Variants in RIMS3 observed in about 807,000 individuals in gnomAD.
The protein encoded by RIMS3 is regulating synaptic membrane exocytosis protein 3.
In RIMS3, 15 loss-of-function variants were observed where a neutral mutation model predicts 29.2. The ratio of observed to expected loss-of-function variants is 0.51; its 90% confidence interval spans 0.34 to 0.79. The LOEUF is 0.79. Among genes scored for constraint, RIMS3 ranks in the 30% least tolerant of loss-of-function variants. RIMS3 has a pLI of 0.01. For synonymous variants in RIMS3, 161 were observed against 170.1 expected, an observed-to-expected ratio of 0.95 and a Z score of 0.41; for missense variants, 342 against 421.4, an observed-to-expected ratio of 0.81 and a Z score of 1.65.
the RIMS3 span, chr1:40,687,609 A>AG: frequency 6.6e-6 from 1 of 151,552 alleles, no homozygotes; most frequent in Non-Finnish European, 1.5e-5. Flanking sequence ...TCTCCTAAAA[A>AG]AAAAAAAAAA....
chr1:40,650,944 C>T (rs1194839903), intron 1 of RIMS3, among the ~76,000 whole-genome samples: 4 of 151,936 alleles, frequency 2.6e-5, no homozygotes, highest in African/African-American at 7.3e-5. Context: ...TCTCTGCCCC[C>T]ACCCCCATGA....
chr1:40,629,392 G>T lies in RIMS3; in HGVS notation c.473-20C>A. The T allele has an allele frequency of 1.2e-6, 2 of 1,606,290 alleles. No individual in the cohort carries two copies. The highest frequency in any genetic ancestry group is 1.1e-5 in the South Asian group (1 of 90,910). On this transcript the variant is annotated intron_variant, in intron 5 of 7. Coordinates refer to ENST00000372684, the MANE Select transcript of RIMS3 (RefSeq NM_014747.3). ...CATCTCCTGAAAGGAAGAAGAGGGT[G>T]AGTCCAGGCAGGGCCAGACCAAGGG...
chr1:40,676,012 C>A, the RIMS3 span, among the ~76,000 whole-genome samples: 1 of 152,022 alleles, frequency 6.6e-6, no homozygotes, highest in Non-Finnish European at 1.5e-5. Flanking sequence ...CAAGAGAAGG[C>A]AGAAGCCTGA....
intron 3 of RIMS3, among the ~76,000 whole-genome samples, chr1:40,640,022 G>T (rs935353966): frequency 2.6e-5 from 4 of 152,218 alleles, no homozygotes; most frequent in Admixed American, 6.5e-5. Context: ...CCACTAGAAG[G>T]TTCTCCCAGT....
In RIMS3 at chr1:40,641,959, G is replaced by A. The variant is rs761203705; in HGVS notation, c.-31-3C>T. ...GGGTGGCAGGGCCTCAGGCAGCTCTGAAGATGGGCAGGAAACAAAAGGATC... is the reference window on the plus strand; with the variant it reads ...GGGTGGCAGGGCCTCAGGCAGCTCTAAAGATGGGCAGGAAACAAAAGGATC... On this transcript the variant is annotated splice_region_variant and splice_polypyrimidine_tract_variant and intron_variant, in intron 2 of 7. Transcript: ENST00000372684. 1 of 1,572,944 alleles carries A rather than the reference G, an allele frequency of 6.4e-7. No individual in the cohort carries two copies. The highest frequency in any genetic ancestry group is 1.3e-5 in the African/African-American group (1 of 74,200).
chr1:40,647,379 A>T (rs1402290121), intron 2 of RIMS3, among the ~76,000 whole-genome samples: 2 of 151,782 alleles, frequency 1.3e-5, no homozygotes, highest in Non-Finnish European at 2.9e-5. Flanking sequence ...TCTCTTTCCC[A>T]TCAAGGTCAG....
At position 40,624,302 on chromosome 1, in the gene RIMS3, A is replaced by G. The variant is rs767279294; in HGVS notation, c.*2215T>C. The stretch of plus-strand genomic sequence containing the variant: ...CCCTATCATCCCAAAGGTGTAGAGT[A>G]TTTTCGCAACACCCTGACAGTGACT... On this transcript the variant is annotated 3_prime_UTR_variant, in exon 8 of 8. Coordinates refer to ENST00000372684, the MANE Select transcript of RIMS3 (RefSeq NM_014747.3). 5.9e-5 allele frequency: 9 copies of G among 152,152 alleles called. No individual in the cohort carries two copies. Among genetic ancestry groups the G allele is most frequent in the Non-Finnish European group, 1.2e-4 (8 of 68,032 alleles). 9.4% of individuals were successfully genotyped at this position (152,152 alleles called of 1,614,324 possible). A position where few individuals can be genotyped will look rare whatever the true frequency, so the allele number is the denominator to read the frequency against.
chr1:40,623,475 C>G lies in RIMS3; in HGVS notation c.*3042G>C, dbSNP rs1437291688. 5.0e-6 allele frequency: 2 copies of G among 398,558 alleles called. No individual in the cohort carries two copies. Among genetic ancestry groups the G allele is most frequent in the Non-Finnish European group, 8.8e-6 (2 of 226,102 alleles). The allele number at this position is 398,558 out of a possible 1,614,324, so 24.7% of individuals were successfully genotyped here. A position where few individuals can be genotyped will look rare whatever the true frequency, so the allele number is the denominator to read the frequency against. ...AACCCAACATCACTGCAGGGCCACTCCTGTCTCTGCCATATGCACAGTGAA... is the reference window on the plus strand; with the variant it reads ...AACCCAACATCACTGCAGGGCCACTGCTGTCTCTGCCATATGCACAGTGAA... On this transcript the variant is annotated 3_prime_UTR_variant, in exon 8 of 8. Coordinates refer to ENST00000372684, the MANE Select transcript of RIMS3 (RefSeq NM_014747.3).
intron 7 of RIMS3, among the ~76,000 whole-genome samples, chr1:40,627,422 G>A (rs931012143): frequency 6.6e-6 from 1 of 152,030 alleles, no homozygotes; most frequent in Non-Finnish European, 1.5e-5. Context: ...TAGAGACGGG[G>A]TTTCACCATG....
intron 5 of RIMS3, among the ~76,000 whole-genome samples, chr1:40,630,420 G>A (rs1646482477): frequency 1.3e-5 from 2 of 152,208 alleles, no homozygotes; most frequent in Non-Finnish European, 2.9e-5. Flanking sequence ...TTACAGGGGT[G>A]CAGAATCATA....
the RIMS3 span, among the ~76,000 whole-genome samples, chr1:40,686,613 C>A: frequency 3.3e-5 from 5 of 152,222 alleles, no homozygotes; most frequent in Admixed American, 6.5e-5. Context: ...GCTGAGATTG[C>A]GCCACTGCAC....
At chr1:40,676,737 T>A in the RIMS3 span, among the ~76,000 whole-genome samples, 1 of 152,214 alleles carries the variant, frequency 6.6e-6, no homozygotes, top group African/African-American at 2.4e-5. Flanking sequence ...GCCTGTGCCC[T>A]GCCTTCATCC....
chr1:40,686,067 C>T, the RIMS3 span, among the ~76,000 whole-genome samples: 1 of 151,762 alleles, frequency 6.6e-6, no homozygotes, highest in Non-Finnish European at 1.5e-5. Context: ...GAGAATAGCT[C>T]GAACCTGGGA....
In RIMS3 at chr1:40,626,592, G is replaced by A. The variant is rs766347238; in HGVS notation, c.852C>T (p.Asp284=). The A allele has an allele frequency of 2.5e-5, 40 of 1,614,026 alleles. No individual in the cohort carries two copies. The South Asian group carries it at 4.4e-4, about 18-fold the overall frequency. Residue 284 remains aspartate (D), a synonymous_variant, in exon 8 of 8, where the codon GAC becomes GAT. Transcript: ENST00000372684. ...YKLFPTSSVA[D]STLGSLTRRL... ...GCCTGGTGAGGGATCCGAGTGTGGA[G>A]TCTGCCACTGAGGAGGTGGGGAAGA...
Position 40,623,926 on chromosome 1 carries a change from A to C in RIMS3, c.*2591T>G. ...TTTGGTGCAAAGGGTTAAAAGAATA[A>C]TTCCCCAAGGTCAATTTGGGGAGGA... On this transcript the variant is annotated 3_prime_UTR_variant, in exon 8 of 8. Transcript: ENST00000372684. The C allele has an allele frequency of 1.8e-5, 3 of 166,416 alleles. No individual in the cohort carries two copies. The highest frequency in any genetic ancestry group is 3.9e-5 in the Non-Finnish European group (3 of 77,568). The allele number at this position is 166,416 out of a possible 1,614,324, so 10.3% of individuals were successfully genotyped here. A position where few individuals can be genotyped will look rare whatever the true frequency, so the allele number is the denominator to read the frequency against.
chr1:40,682,378 G>A, the RIMS3 span, among the ~76,000 whole-genome samples: 4 of 152,110 alleles, frequency 2.6e-5, no homozygotes, highest in Non-Finnish European at 1.5e-5. Flanking sequence ...AAGAGGGTAT[G>A]TATTTGAGGT....
chr1:40,670,203 C>G (rs1419378100), upstream of RIMS3, among the ~76,000 whole-genome samples: 1 of 152,044 alleles, frequency 6.6e-6, no homozygotes, highest in Non-Finnish European at 1.5e-5. Context: ...GTTGAATATT[C>G]AAGATATAAT....
At chr1:40,683,421 C>T in the RIMS3 span, among the ~76,000 whole-genome samples, 4 of 152,286 alleles carry the variant, frequency 2.6e-5, no homozygotes, top group South Asian at 2.1e-4. Flanking sequence ...TAAAAGGATA[C>T]GTTTGGCCCC....
At chr1:40,691,750 G>T in the RIMS3 span, 3 of 455,178 alleles carry the variant, frequency 6.6e-6, no homozygotes, top group Non-Finnish European at 1.3e-5. Flanking sequence ...CTTCGCGCGC[G>T]CTCCGTTCTC....
Sources: gnomAD v4.1 joint callset for allele counts (sites outside exome capture counted in the v4.1 genomes callset) on GRCh38, gnomAD v4.1.1 for gene constraint, MANE v1.5 for transcripts, NCBI Gene and HGNC (gene_info 2026-07-23, HGNC 2026-07-21) for gene names.